GALNTL6: variants seen among roughly 807,000 people sequenced by gnomAD.
GALNTL6 encodes the protein polypeptide N-acetylgalactosaminyltransferase like 6.
Under a neutral mutation model 73.7 loss-of-function variants are expected in GALNTL6, and 46 were observed. The ratio of observed to expected loss-of-function variants is 0.62; its 90% CI spans 0.49 to 0.80. The LOEUF is 0.80. Ranked by LOEUF, GALNTL6 falls within the 30% of genes least tolerant of loss-of-function variation. The pLI is 0.00. For missense variants in GALNTL6, 604 were observed against 755.0 expected (o/e 0.80, Z 2.34); for synonymous variants, 259 against 263.7 (o/e 0.98, Z 0.17).
chr4:172,401,196 A>C (rs1449876533), intron 5 of GALNTL6, among the ~76,000 whole-genome samples: 2 of 152,150 alleles, frequency 1.3e-5, no homozygotes, highest in Non-Finnish European at 2.9e-5. Flanking sequence ...ATACACACAC[A>C]TGCACACACA....
chr4:172,786,771 A>G (rs913597968), intron 5 of GALNTL6, among the ~76,000 whole-genome samples: 9 of 152,206 alleles, frequency 5.9e-5, no homozygotes, highest in East Asian at 1.9e-4. Context: ...GTAAAAGGGC[A>G]TATTTAAACT....
chr4:172,405,694 C>G (rs1744215971), intron 5 of GALNTL6, among the ~76,000 whole-genome samples: 1 of 151,626 alleles, frequency 6.6e-6, no homozygotes, highest in African/African-American at 2.4e-5. Flanking sequence ...CTTAAGACGG[C>G]CCTTATGCCA....
chr4:172,956,907 T>TTGGTATTTGACTAGTAAA (rs1422262678), intron 10 of GALNTL6, among the ~76,000 whole-genome samples: 1 of 152,144 alleles, frequency 6.6e-6, no homozygotes, highest in Non-Finnish European at 1.5e-5. Context: ...AGAAACTGCT[T>TTGGTATTTGACTAGTAAA]GGGTGATTTG....
chr4:173,005,986 C>T (rs139336523), intron 10 of GALNTL6, among the ~76,000 whole-genome samples: 3 of 152,286 alleles, frequency 2.0e-5, no homozygotes, highest in Non-Finnish European at 4.4e-5. Context: ...AAAAACAAAA[C>T]AAGGCACTCC....
chr4:171,835,535 T>C (rs764838253), intron 2 of GALNTL6, among the ~76,000 whole-genome samples: 2 of 152,038 alleles, frequency 1.3e-5, no homozygotes, highest in South Asian at 2.1e-4. Flanking sequence ...AGAAAGGCTA[T>C]TATTATGTAT....
intron 2 of GALNTL6, among the ~76,000 whole-genome samples, chr4:172,157,183 G>A (rs1446366154): frequency 6.6e-6 from 1 of 152,076 alleles, no homozygotes; most frequent in African/African-American, 2.4e-5. Context: ...ACTTTAATTT[G>A]AAAGAGTAGA....
At chr4:172,163,347 C>T (rs1734529644) in intron 2 of GALNTL6, among the ~76,000 whole-genome samples, 1 of 151,838 alleles carries the variant, frequency 6.6e-6, no homozygotes, top group Non-Finnish European at 1.5e-5. Flanking sequence ...TTACTTTATC[C>T]TGTGATTCTT....
At chr4:172,087,201 T>C (rs1204805306) in intron 2 of GALNTL6, among the ~76,000 whole-genome samples, 1 of 152,088 alleles carries the variant, frequency 6.6e-6, no homozygotes, top group East Asian at 1.9e-4. Flanking sequence ...CCCGGCACTT[T>C]GGGAGGCCGA....
intron 8 of GALNTL6, among the ~76,000 whole-genome samples, chr4:172,895,420 G>C (rs1416283479): frequency 6.8e-6 from 1 of 147,162 alleles, no homozygotes; most frequent in African/African-American, 2.5e-5. Context: ...TTTGCTTTCA[G>C]CACTCTGAAT....
At chr4:171,900,162 A>G (rs918262705) in intron 2 of GALNTL6, among the ~76,000 whole-genome samples, 4 of 152,200 alleles carry the variant, frequency 2.6e-5, no homozygotes, top group African/African-American at 9.6e-5. Context: ...AGAAAATTGT[A>G]TTATAAAAAA....
At chr4:172,145,280 C>G (rs1423527330) in intron 2 of GALNTL6, among the ~76,000 whole-genome samples, 1 of 151,876 alleles carries the variant, frequency 6.6e-6, no homozygotes, top group African/African-American at 2.4e-5. Context: ...GCTGGGACTA[C>G]AGGCGCCCGC....
chr4:171,846,902 TTATATATACATATAATTATA>T (rs1735387228), intron 2 of GALNTL6, among the ~76,000 whole-genome samples: 1 of 13,526 alleles, frequency 7.4e-5, no homozygotes, highest in Non-Finnish European at 2.0e-4. Context: ...TTATATGTAA[TTATATATACATATAATTATA>T]TGTAATTATA....
At chr4:172,114,025 A>G (rs1732924281) in intron 2 of GALNTL6, among the ~76,000 whole-genome samples, 1 of 152,126 alleles carries the variant, frequency 6.6e-6, no homozygotes, top group Non-Finnish European at 1.5e-5. Context: ...AGCATAATTG[A>G]AGATTTAGCT....
intron 2 of GALNTL6, among the ~76,000 whole-genome samples, chr4:172,146,074 A>C (rs1030907027): frequency 2.6e-5 from 4 of 152,224 alleles, no homozygotes; most frequent in African/African-American, 7.2e-5. Flanking sequence ...CCCTAAAACA[A>C]GAAGAACATC....
At chr4:171,893,400 C>T (rs1019756229) in intron 2 of GALNTL6, among the ~76,000 whole-genome samples, 4 of 152,124 alleles carry the variant, frequency 2.6e-5, no homozygotes, top group African/African-American at 9.7e-5. Context: ...AACCTAGATC[C>T]AAACATGAGT....
intron 2 of GALNTL6, among the ~76,000 whole-genome samples, chr4:172,015,923 A>ATTTTTTTTTTTT (rs70941375): frequency 5.0e-4 from 22 of 44,084 alleles, no homozygotes; most frequent in East Asian, 8.1e-4. Flanking sequence ...ATCTAATAGG[A>ATTTTTTTTTTTT]TTTTTTTTTT....
chr4:172,380,137 T>A, intron 5 of GALNTL6: 1 of 1,041,312 alleles, frequency 9.6e-7, no homozygotes, highest in Non-Finnish European at 1.5e-6. Flanking sequence ...ATGGATCATC[T>A]GGATTTGGAG....
intron 2 of GALNTL6, among the ~76,000 whole-genome samples, chr4:172,095,997 T>G (rs1206894557): frequency 6.6e-6 from 1 of 152,030 alleles, no homozygotes; most frequent in Non-Finnish European, 1.5e-5. Flanking sequence ...TTTTCTCTCT[T>G]TTCTATTAGT....
chr4:172,230,263 G>A (rs915503988), intron 3 of GALNTL6, among the ~76,000 whole-genome samples: 1 of 152,170 alleles, frequency 6.6e-6, no homozygotes, highest in Non-Finnish European at 1.5e-5. Flanking sequence ...ACGGAATCAA[G>A]TAGGTCTGTG....
Sources: allele counts gnomAD v4.1 joint callset (sites outside exome capture counted in the v4.1 genomes callset), GRCh38; gene constraint gnomAD v4.1.1; transcripts MANE v1.5; gene names NCBI Gene and HGNC (gene_info 2026-07-23, HGNC 2026-07-21).